The following USP25 variants were observed in gnomAD, a reference collection of about 807,000 sequenced individuals.
The protein encoded by USP25 is ubiquitin specific peptidase 25.
A neutral mutation model predicts 158.5 loss-of-function variants in USP25; 85 were observed. The observed-to-expected ratio is 0.54, with a 90% CI of 0.45 to 0.64. The LOEUF (loss-of-function observed/expected upper bound fraction) is 0.64. Among genes scored for constraint, USP25 ranks in the 30% least tolerant of loss-of-function variants. The pLI is 0.00. For missense variants in USP25, 1,242 were observed against 1,327.3 expected (o/e 0.94, Z 1.00); for synonymous variants, 464 against 460.4 (o/e 1.01, Z -0.10).
chr21:15,754,803 A>C (rs1023983251), intron 1 of USP25, among the ~76,000 whole-genome samples: 1 of 152,216 alleles, frequency 6.6e-6, no homozygotes, highest in Non-Finnish European at 1.5e-5. Flanking sequence ...TCCGGCTTAC[A>C]CATTAACAAG....
intron 10 of USP25, among the ~76,000 whole-genome samples, chr21:15,823,290 A>G (rs1171611093): frequency 1.3e-5 from 2 of 151,532 alleles, no homozygotes; most frequent in African/African-American, 4.8e-5. Flanking sequence ...TATGAAAATA[A>G]TTTTCTTTTA....
At chr21:15,772,729 C>T (rs1457767816) in intron 3 of USP25, among the ~76,000 whole-genome samples, 1 of 152,090 alleles carries the variant, frequency 6.6e-6, no homozygotes, top group African/African-American at 2.4e-5. Flanking sequence ...CCACTAAGTC[C>T]AGAAAAAGAA....
At chr21:15,845,838 A>T (rs2038557946) in intron 18 of USP25, among the ~76,000 whole-genome samples, 1 of 152,024 alleles carries the variant, frequency 6.6e-6, no homozygotes, top group African/African-American at 2.4e-5. Flanking sequence ...AAAATCCTTA[A>T]TTAAATGTCA....
At chr21:15,870,962 A>G (rs1280524837) in intron 23 of USP25, among the ~76,000 whole-genome samples, 3 of 152,214 alleles carry the variant, frequency 2.0e-5, no homozygotes, top group Admixed American at 6.5e-5. Flanking sequence ...TTAAAACCAA[A>G]GTTCAGTTCA....
rs185903785 is a variant in USP25 at position 15,800,823 on chromosome 21, T to C, written c.642+980T>C. On this transcript the variant is annotated intron_variant, in intron 6 of 25. Transcript: ENST00000400183. ...AATTTTTAAAACCACTTTTTCTTTT[T>C]CTGTAAACACGTGAAACATTTATAA... 2.1e-4 allele frequency among the ~76,000 whole-genome samples: 32 copies of C among 151,714 alleles called. 1 individual carries two copies. The highest frequency in any genetic ancestry group is 1.7e-3 in the Admixed American group (26 of 15,188).
chr21:15,812,746 C>G (rs575260753), intron 9 of USP25, among the ~76,000 whole-genome samples: 1 of 152,168 alleles, frequency 6.6e-6, no homozygotes, highest in Non-Finnish European at 1.5e-5. Flanking sequence ...ATAAAGGTGG[C>G]CTTAATACGT....
chr21:15,806,752 G>C, intron 7 of USP25, among the ~76,000 whole-genome samples: 2 of 152,190 alleles, frequency 1.3e-5, no homozygotes, highest in East Asian at 3.9e-4. Flanking sequence ...AAGTCTACAG[G>C]AGTAATTTAG....
intron 1 of USP25, among the ~76,000 whole-genome samples, chr21:15,745,543 T>G (rs1345891881): frequency 6.8e-6 from 1 of 146,474 alleles, no homozygotes; most frequent in Non-Finnish European, 1.5e-5. Flanking sequence ...TGGCATGATC[T>G]CACTCACTGC....
At chr21:15,866,181 G>T in intron 21 of USP25, 85 bp from the exon 22 acceptor site, 1 of 787,654 alleles carries the variant, frequency 1.3e-6, no homozygotes, top group Non-Finnish European at 1.7e-6. Context: ...CAGTGTTTAT[G>T]GATTTTGCTT....
intron 2 of USP25, among the ~76,000 whole-genome samples, chr21:15,764,079 T>C (rs540703818): frequency 2.0e-5 from 3 of 152,040 alleles, no homozygotes; most frequent in Non-Finnish European, 4.4e-5. Flanking sequence ...GAAATAGTAG[T>C]GTTTAGAGCA....
intron 1 of USP25, among the ~76,000 whole-genome samples, chr21:15,743,522 T>G (rs549478411): frequency 2.6e-4 from 40 of 152,282 alleles, no homozygotes; most frequent in African/African-American, 9.6e-4. Context: ...CCAGGGTTTT[T>G]TTAGGTTTGG....
intron 1 of USP25, among the ~76,000 whole-genome samples, chr21:15,738,811 G>GTT (rs760931203): frequency 1.3e-5 from 2 of 152,268 alleles, no homozygotes; most frequent in East Asian, 3.9e-4. Context: ...GGTAGTTAAA[G>GTT]ATCGACCCCT....
chr21:15,857,975 G>T (rs2039238799), intron 20 of USP25, among the ~76,000 whole-genome samples: 1 of 149,060 alleles, frequency 6.7e-6, no homozygotes, highest in Non-Finnish European at 1.5e-5. Flanking sequence ...CCTTATCAGG[G>T]ATTTATACTT....
Position 15,766,184 on chromosome 21 carries a change from T to C in USP25, c.268+43T>C. The C allele has an allele frequency of 6.5e-7, 1 of 1,541,606 alleles. No homozygotes were observed. The stretch of plus-strand genomic sequence containing the variant: ...TCTTATTATTTTAATAGAAACATAC[T>C]GAAAAACTTTTCTTGGTGTAATATA... On this transcript the variant is annotated intron_variant, in intron 3 of 25. Coordinates refer to ENST00000400183, the MANE Select transcript of USP25 (RefSeq NM_001283041.3). The surrounding 1 kb of genome is among the most constrained non-coding windows in gnomAD (Gnocchi z 4.0).
chr21:15,856,824 AATT>A (rs2039173670), intron 20 of USP25, among the ~76,000 whole-genome samples: 2 of 152,214 alleles, frequency 1.3e-5, no homozygotes, highest in South Asian at 4.1e-4. Flanking sequence ...ATGTATATGT[AATT>A]ATTCATATCA....
Position 15,875,124 on chromosome 21 carries a change from A to G in USP25, c.3009+598A>G, listed in dbSNP as rs1716484076. 6.6e-6 allele frequency among the ~76,000 whole-genome samples: 1 copy of G among 152,208 alleles called. No homozygotes were observed. The highest frequency in any genetic ancestry group is 2.4e-5 in the African/African-American group (1 of 41,462). On this transcript the variant is annotated intron_variant, in intron 24 of 25. Coordinates refer to ENST00000400183, the MANE Select transcript of USP25 (RefSeq NM_001283041.3). The surrounding 1 kb of genome is among the most constrained non-coding windows in gnomAD (Gnocchi z 4.7). ...GAAGTGGAGGTTGCCTTGAGCCAAGATCGCGCCACTGCATTCCATCCTGGC... is the reference window on the plus strand; with the variant it reads ...GAAGTGGAGGTTGCCTTGAGCCAAGGTCGCGCCACTGCATTCCATCCTGGC...
At chr21:15,813,680 A>G (rs73892542) in intron 9 of USP25, among the ~76,000 whole-genome samples, 2,451 of 152,254 alleles carry the variant, frequency 0.016, 58 homozygotes, top group African/African-American at 0.055. Context: ...TTAAAAATTA[A>G]AAACGTTATC....
At chr21:15,834,430 G>C (rs1385539798) in intron 17 of USP25, among the ~76,000 whole-genome samples, 2 of 151,738 alleles carry the variant, frequency 1.3e-5, no homozygotes, top group Admixed American at 6.6e-5. Context: ...GGATATTATT[G>C]AATAACTTTT....
rs114981112 is a variant in USP25 at position 15,788,054 on chromosome 21, G to A, written c.393-3448G>A. 3.3e-5 allele frequency among the ~76,000 whole-genome samples: 5 copies of A among 151,932 alleles called. No individual in the cohort carries two copies. In the East Asian group the frequency reaches 7.7e-4, roughly 24 times the overall value. On this transcript the variant is annotated intron_variant, in intron 4 of 25. Coordinates refer to ENST00000400183, the MANE Select transcript of USP25 (RefSeq NM_001283041.3). Reference sequence around the variant, plus strand: ...TCTTTTTATATTGCTTACTACCAAGGTCATGACCAATTTTGAGAAGATAAA... The same window carrying A: ...TCTTTTTATATTGCTTACTACCAAGATCATGACCAATTTTGAGAAGATAAA...
Sources: allele counts gnomAD v4.1 joint callset (sites outside exome capture counted in the v4.1 genomes callset), GRCh38; gene constraint gnomAD v4.1.1; non-coding constraint Gnocchi (gnomAD v3.1); transcripts MANE v1.5; gene names NCBI Gene and HGNC (gene_info 2026-07-23, HGNC 2026-07-21).